The following KCTD8 variants were observed in gnomAD, a reference collection of about 807,000 sequenced individuals.
The protein encoded by KCTD8 is BTB/POZ domain-containing protein KCTD8.
In KCTD8, 27 loss-of-function variants were observed where a neutral mutation model predicts 31.5. That is an observed-to-expected ratio of 0.86 (90% CI 0.63 to 1.18). The LOEUF is 1.18. KCTD8 is among the 50% of genes most tolerant of loss of function. The pLI is 0.00. For synonymous variants in KCTD8, 290 were observed against 280.0 expected, an observed-to-expected ratio of 1.04 and a Z score of -0.36; for missense variants, 658 against 647.7, an observed-to-expected ratio of 1.02 and a Z score of -0.17.
chr4:44,285,136 G>A (rs1381834136), intron 1 of KCTD8, among the ~76,000 whole-genome samples: 1 of 152,078 alleles, frequency 6.6e-6, no homozygotes, highest in African/African-American at 2.4e-5. Context: ...ATACCCAAAG[G>A]ATTATAAATC....
intron 1 of KCTD8, among the ~76,000 whole-genome samples, chr4:44,381,482 T>G (rs915556191): frequency 2.6e-5 from 4 of 152,192 alleles, no homozygotes; most frequent in Middle Eastern, 3.4e-3. Flanking sequence ...AGATATTCCA[T>G]GCAAACAGGA....
intron 1 of KCTD8, among the ~76,000 whole-genome samples, chr4:44,418,490 T>C (rs369515348): frequency 2.0e-5 from 3 of 152,210 alleles, no homozygotes; most frequent in East Asian, 1.9e-4. Flanking sequence ...TGTATGCCTA[T>C]ACTTAAGCAA....
chr4:44,209,154 G>A (rs1714405378), intron 1 of KCTD8, among the ~76,000 whole-genome samples: 3 of 152,026 alleles, frequency 2.0e-5, no homozygotes, highest in African/African-American at 7.2e-5. Context: ...CTGTTAAAAT[G>A]GGGTTTTCTG....
Position 44,248,438 on chromosome 4 carries a change from C to T in KCTD8, c.962-73188G>A, listed in dbSNP as rs112645290. Among the ~76,000 whole-genome samples the T allele has an allele frequency of 9.0e-3, 1,354 of 150,454 alleles. 18 individuals carry two copies. The highest frequency in any genetic ancestry group is 0.031 in the African/African-American group (1,268 of 41,126). On this transcript the variant is annotated intron_variant, in intron 1 of 1. Transcript: ENST00000360029. Reference sequence around the variant, plus strand: ...TAAACATTATTATCTAACCTCCATCCTGCCCTACCCAACCAAAAAAAAAAA... The same window carrying T: ...TAAACATTATTATCTAACCTCCATCTTGCCCTACCCAACCAAAAAAAAAAA...
chr4:44,402,092 G>T (rs1282165390), intron 1 of KCTD8, among the ~76,000 whole-genome samples: 2 of 152,120 alleles, frequency 1.3e-5, no homozygotes, highest in Non-Finnish European at 2.9e-5. Flanking sequence ...AATTCACAAA[G>T]GTAAAGTGGA....
At chr4:44,340,311 T>G (rs1012757781) in intron 1 of KCTD8, among the ~76,000 whole-genome samples, 8 of 152,024 alleles carry the variant, frequency 5.3e-5, no homozygotes, top group Admixed American at 5.2e-4. Flanking sequence ...CATTTTTGTT[T>G]TTTTTGAGAC....
chr4:44,318,205 T>A (rs146578200), intron 1 of KCTD8, among the ~76,000 whole-genome samples: 148 of 152,360 alleles, frequency 9.7e-4, no homozygotes, highest in African/African-American at 3.4e-3. Flanking sequence ...ATGTTTATTA[T>A]CATTGTAATG....
intron 1 of KCTD8, among the ~76,000 whole-genome samples, chr4:44,426,988 T>C (rs890414275): frequency 1.3e-5 from 2 of 151,732 alleles, no homozygotes; most frequent in Admixed American, 6.6e-5. Flanking sequence ...TTTATAAAGA[T>C]GATTTTAGTA....
At chr4:44,188,047 G>A (rs1314545038) in intron 1 of KCTD8, among the ~76,000 whole-genome samples, 1 of 151,730 alleles carries the variant, frequency 6.6e-6, no homozygotes, top group Non-Finnish European at 1.5e-5. Context: ...TGTGTTGCAG[G>A]AGCAGCAACA....
chr4:44,387,080 A>G (rs1303439777), intron 1 of KCTD8, among the ~76,000 whole-genome samples: 2 of 151,874 alleles, frequency 1.3e-5, no homozygotes, highest in Non-Finnish European at 2.9e-5. Context: ...CTATATACCA[A>G]CAGTCAAACT....
chr4:44,420,456 C>T (rs577611478), intron 1 of KCTD8, among the ~76,000 whole-genome samples: 1 of 152,138 alleles, frequency 6.6e-6, no homozygotes, highest in East Asian at 1.9e-4. Flanking sequence ...GTATTTCCAG[C>T]TTTAGAGGCC....
chr4:44,293,973 C>A, intron 1 of KCTD8: 1 of 276,764 alleles, frequency 3.6e-6, no homozygotes, highest in South Asian at 3.6e-5. Flanking sequence ...TTTAACATCA[C>A]TAATAATAAA....
chr4:44,299,858 T>C (rs1717555750), intron 1 of KCTD8, among the ~76,000 whole-genome samples: 1 of 151,130 alleles, frequency 6.6e-6, no homozygotes, highest in Non-Finnish European at 1.5e-5. Flanking sequence ...GTTCACATCT[T>C]TCTCCTGCCT....
At chr4:44,394,959 C>T (rs1471688683) in intron 1 of KCTD8, among the ~76,000 whole-genome samples, 2 of 152,086 alleles carry the variant, frequency 1.3e-5, no homozygotes, top group African/African-American at 2.4e-5. Context: ...GATGGTCCTT[C>T]GTGTTCTCAA....
intron 1 of KCTD8, among the ~76,000 whole-genome samples, chr4:44,268,359 A>G (rs1209782011): frequency 6.6e-6 from 1 of 151,928 alleles, no homozygotes; most frequent in Non-Finnish European, 1.5e-5. Context: ...CATGCTAAAA[A>G]CTCTCAAGAA....
chr4:44,408,099 C>T (rs1282498937), intron 1 of KCTD8, among the ~76,000 whole-genome samples: 1 of 152,126 alleles, frequency 6.6e-6, no homozygotes, highest in African/African-American at 2.4e-5. Context: ...GATAAAATCC[C>T]AGTGCTGTCA....
intron 1 of KCTD8, among the ~76,000 whole-genome samples, chr4:44,286,679 T>C (rs1014699379): frequency 1.3e-5 from 2 of 152,148 alleles, no homozygotes; most frequent in East Asian, 1.9e-4. Flanking sequence ...TTTATGCCAC[T>C]GGGATAAGGA....
chr4:44,235,564 TATATATATATA>T (rs1560402099), intron 1 of KCTD8, among the ~76,000 whole-genome samples: 53 of 43,222 alleles, frequency 1.2e-3, no homozygotes, highest in South Asian at 5.2e-3. Flanking sequence ...TATATATATA[TATATATATATA>T]TTTAGAGAGA....
intron 1 of KCTD8, among the ~76,000 whole-genome samples, chr4:44,271,940 C>T (rs558507315): frequency 6.6e-6 from 1 of 151,886 alleles, no homozygotes; most frequent in African/African-American, 2.4e-5. Context: ...CCTCTAGTGC[C>T]GCTGGGTTAG....
Sources: gnomAD v4.1 joint callset for allele counts (sites outside exome capture counted in the v4.1 genomes callset) on GRCh38, gnomAD v4.1.1 for gene constraint, MANE v1.5 for transcripts, NCBI Gene and HGNC (gene_info 2026-07-23, HGNC 2026-07-21) for gene names.